CORO2B: variants seen among roughly 807,000 people sequenced by gnomAD.
CORO2B encodes the protein coronin 2B.
A neutral mutation model predicts 58.8 loss-of-function variants in CORO2B; 26 were observed. That is an observed-to-expected ratio of 0.44 (90% confidence interval 0.32 to 0.61). The LOEUF is 0.61. CORO2B is among the 20% of genes least tolerant of loss of function. The pLI is 0.04. For missense variants in CORO2B, 460 were observed against 645.1 expected (o/e 0.71, Z 3.11); for synonymous variants, 242 against 253.8 (o/e 0.95, Z 0.44).
intron 2 of CORO2B, among the ~76,000 whole-genome samples, chr15:68,670,812 G>C (rs1344725597): frequency 6.6e-6 from 1 of 152,206 alleles, no homozygotes; most frequent in Non-Finnish European, 1.5e-5. Context: ...ATTGGGTGCT[G>C]TCAGGGTTAT....
At chr15:68,565,712 G>A in the CORO2B span, among the ~76,000 whole-genome samples, 1 of 152,182 alleles carries the variant, frequency 6.6e-6, no homozygotes, top group Non-Finnish European at 1.5e-5. Flanking sequence ...GCTGGGAGAG[G>A]TATTTGTCTA....
chr15:68,640,158 C>T (rs1387106027), intron 1 of CORO2B, among the ~76,000 whole-genome samples: 2 of 152,200 alleles, frequency 1.3e-5, no homozygotes, highest in African/African-American at 4.8e-5. Context: ...AGCTTTGGCC[C>T]ACAGTGTGTA....
At chr15:68,544,206 T>C in the CORO2B span, among the ~76,000 whole-genome samples, 1 of 152,174 alleles carries the variant, frequency 6.6e-6, no homozygotes, top group Non-Finnish European at 1.5e-5. Flanking sequence ...ACTATATCTC[T>C]CTCTGGCTCA....
At position 68,579,200 on chromosome 15, in the gene CORO2B, C is replaced by T. The variant is rs1899351424; in HGVS notation, c.-63C>T. On this transcript the variant is annotated 5_prime_UTR_variant, in exon 1 of 12. Coordinates refer to ENST00000261861, the MANE Select transcript of CORO2B (RefSeq NM_006091.5). ...GCCGGACCCCCTTCCGCCGCCGCCC[C>T]GGGCCGCCGCCGCCGCCCCCGCACG... is the stretch of plus-strand genomic sequence containing the variant. 1 of 990,444 alleles carries T rather than the reference C, an allele frequency of 1.0e-6. No individual in the cohort carries two copies. The highest frequency in any genetic ancestry group is 1.8e-5 in the African/African-American group (1 of 56,620). 61.4% of individuals were successfully genotyped at this position (990,444 alleles called of 1,614,324 possible).
Position 68,719,205 on chromosome 15 carries a change from CG to C in CORO2B, c.1144del (p.Asp382MetfsTer13), listed in dbSNP as rs1377351218. On this transcript the variant is annotated frameshift_variant, in exon 10 of 12. Transcript: ENST00000261861. LOFTEE classifies it high-confidence loss of function. ...MTPGTEPALTPDEWLGGINRD... is the reference protein window; with the variant it reads ...MTPGTEPALTXDEWLGGINRD... ...CCAGGCACGGAGCCAGCACTGACCC[CG>C]GATGAATGGCTGGGAGGCATCAACC... is the stretch of plus-strand genomic sequence containing the variant. 1 of 1,613,962 alleles carries C rather than the reference CG, an allele frequency of 6.2e-7. No homozygotes were observed. Among genetic ancestry groups the C allele is most frequent in the Non-Finnish European group, 8.5e-7 (1 of 1,180,006 alleles).
At chr15:68,555,990 G>T in the CORO2B span, among the ~76,000 whole-genome samples, 3 of 152,268 alleles carry the variant, frequency 2.0e-5, no homozygotes, top group Admixed American at 2.0e-4. Context: ...TTAATCGTGG[G>T]CACACAGAGG....
intron 1 of CORO2B, among the ~76,000 whole-genome samples, chr15:68,614,596 G>A (rs1053726684): frequency 6.6e-6 from 1 of 152,192 alleles, no homozygotes; most frequent in Non-Finnish European, 1.5e-5. Flanking sequence ...TGACTTTAGA[G>A]GGTCATGAGA....
At chr15:68,548,207 T>G in the CORO2B span, among the ~76,000 whole-genome samples, 1 of 149,218 alleles carries the variant, frequency 6.7e-6, no homozygotes, top group East Asian at 1.9e-4. Context: ...GTGTGTGTGT[T>G]TTAAAAAATC....
the CORO2B span, among the ~76,000 whole-genome samples, chr15:68,524,653 A>G: frequency 1.4e-4 from 21 of 152,266 alleles, no homozygotes; most frequent in Admixed American, 6.5e-4. Context: ...AAGAAGTTAA[A>G]TAAATTCTTC....
At chr15:68,721,180 C>T (rs1269672743) in intron 11 of CORO2B, among the ~76,000 whole-genome samples, 3 of 75,758 alleles carry the variant, frequency 4.0e-5, no homozygotes, top group Non-Finnish European at 9.3e-5. Flanking sequence ...CCACACCTGG[C>T]CCACTAATCA....
chr15:68,547,376 A>G, the CORO2B span, among the ~76,000 whole-genome samples: 113 of 152,370 alleles, frequency 7.4e-4, no homozygotes, highest in Non-Finnish European at 1.2e-3. Flanking sequence ...GAAAGTTTAT[A>G]GCACTGCTTC....
the CORO2B span, among the ~76,000 whole-genome samples, chr15:68,546,116 G>A: frequency 2.6e-5 from 4 of 152,080 alleles, no homozygotes; most frequent in East Asian, 5.8e-4. Context: ...GCTCCTTCAC[G>A]CACATAAAAC....
At chr15:68,529,810 C>T in the CORO2B span, among the ~76,000 whole-genome samples, 4 of 152,168 alleles carry the variant, frequency 2.6e-5, no homozygotes, top group Non-Finnish European at 5.9e-5. Context: ...CATTAATCAC[C>T]ACCATATCTA....
At chr15:68,633,714 C>T (rs185222795) in intron 1 of CORO2B, among the ~76,000 whole-genome samples, 2 of 147,540 alleles carry the variant, frequency 1.4e-5, no homozygotes, top group East Asian at 3.9e-4. Flanking sequence ...TCTCCTTTCT[C>T]ACATTTGGGG....
chr15:68,565,864 C>A, the CORO2B span, among the ~76,000 whole-genome samples: 1 of 152,254 alleles, frequency 6.6e-6, no homozygotes, highest in Admixed American at 6.5e-5. Flanking sequence ...TTCCCCCTCT[C>A]CCCTGGGGCC....
intron 1 of CORO2B, among the ~76,000 whole-genome samples, chr15:68,584,080 G>T (rs779231661): frequency 6.6e-6 from 1 of 152,250 alleles, no homozygotes; most frequent in African/African-American, 2.4e-5. Flanking sequence ...AGTGGCATTA[G>T]CCACAGTCCC....
chr15:68,645,107 C>A lies in CORO2B; in HGVS notation c.16-53C>A. ...CCCTCCCCCAAGAGCCCAGCCGAGG[C>A]CCTTCATGGCACAGGGCCCAGCCTG... On this transcript the variant is annotated intron_variant, in intron 1 of 11. Coordinates refer to ENST00000261861, the MANE Select transcript of CORO2B (RefSeq NM_006091.5). The surrounding 1 kb of genome is among the most constrained non-coding windows in gnomAD (Gnocchi z 4.5). 6.3e-7 allele frequency: 1 copy of A among 1,578,926 alleles called. No individual in the cohort carries two copies. The highest frequency in any genetic ancestry group is 8.6e-7 in the Non-Finnish European group (1 of 1,156,822).
In CORO2B at chr15:68,714,500, T is replaced by C. The variant is rs879047347; in HGVS notation, c.766-59T>C. ...CCATCCTAAGAGGCCTTCCTGGGAT[T>C]TGGGGAGGGGTATGCCATCCTGCCT... On this transcript the variant is annotated intron_variant, in intron 6 of 11. Coordinates refer to ENST00000261861, the MANE Select transcript of CORO2B (RefSeq NM_006091.5). 3 of 1,342,968 alleles carry C rather than the reference T, an allele frequency of 2.2e-6. No homozygotes were observed. The Admixed American group carries it at 5.1e-5, about 23-fold the overall frequency. The allele number at this position is 1,342,968 out of a possible 1,614,324, so 83.2% of individuals were successfully genotyped here.
chr15:68,638,901 C>T (rs990577431), intron 1 of CORO2B, among the ~76,000 whole-genome samples: 4 of 152,232 alleles, frequency 2.6e-5, no homozygotes. Context: ...GCACTGGCCC[C>T]TTGCTGATTC....
Sources: gnomAD v4.1 joint callset for allele counts (sites outside exome capture counted in the v4.1 genomes callset) on GRCh38, gnomAD v4.1.1 for gene constraint, Gnocchi (gnomAD v3.1) non-coding constraint, MANE v1.5 for transcripts, NCBI Gene and HGNC (gene_info 2026-07-23, HGNC 2026-07-21) for gene names.